The following EEFSEC variants were observed in gnomAD, a reference collection of about 807,000 sequenced individuals.
EEFSEC encodes eukaryotic elongation factor, selenocysteine-tRNA specific.
EEFSEC carries 43 observed loss-of-function variants against 42.1 expected under a neutral mutation model. That is an observed-to-expected ratio of 1.02 (90% confidence interval 0.80 to 1.32). EEFSEC has a LOEUF of 1.32. Among genes scored for constraint, EEFSEC ranks in the 40% most tolerant of loss-of-function variants. The probability of loss-of-function intolerance (pLI) is 0.00; values close to 1 mark genes in which losing one functional copy is unlikely to be tolerated. For missense variants in EEFSEC, 745 were observed against 803.6 expected (o/e 0.93, Z 0.88); for synonymous variants, 354 against 339.1 (o/e 1.04, Z -0.48).
At chr3:128,362,413 A>C (rs190775145) in intron 6 of EEFSEC, among the ~76,000 whole-genome samples, 2 of 152,344 alleles carry the variant, frequency 1.3e-5, no homozygotes, top group Admixed American at 1.3e-4. Context: ...AAGGGCACAC[A>C]TGTGCCCGTG....
chr3:128,227,225 G>A (rs1325360500), intron 1 of EEFSEC, among the ~76,000 whole-genome samples: 1 of 152,196 alleles, frequency 6.6e-6, no homozygotes, highest in Non-Finnish European at 1.5e-5. Flanking sequence ...GCCTCACTTG[G>A]CAGCTGAGCC....
chr3:128,397,132 ACAT>A (rs2067990565), intron 6 of EEFSEC, among the ~76,000 whole-genome samples: 1 of 152,116 alleles, frequency 6.6e-6, no homozygotes, highest in Admixed American at 6.5e-5. Flanking sequence ...GTGGGAAGAA[ACAT>A]CATTCTGGTT....
chr3:128,266,167 C>T (rs2066351954), intron 4 of EEFSEC, among the ~76,000 whole-genome samples: 1 of 152,156 alleles, frequency 6.6e-6, no homozygotes, highest in African/African-American at 2.4e-5. Flanking sequence ...CTGCTTTACT[C>T]AACATCCACC....
At chr3:128,170,520 T>C (rs908109907) in intron 1 of EEFSEC, among the ~76,000 whole-genome samples, 5 of 151,990 alleles carry the variant, frequency 3.3e-5, no homozygotes, top group African/African-American at 1.2e-4. Flanking sequence ...AAAGCTTTCT[T>C]GGGATACCAG....
At chr3:128,372,253 G>C (rs1183336603) in intron 6 of EEFSEC, among the ~76,000 whole-genome samples, 1 of 152,166 alleles carries the variant, frequency 6.6e-6, no homozygotes, top group Admixed American at 6.5e-5. Context: ...AGCAATCTTA[G>C]ATACCTGAGA....
chr3:128,414,042 C>T, the EEFSEC span, among the ~76,000 whole-genome samples: 2 of 152,282 alleles, frequency 1.3e-5, no homozygotes, highest in African/African-American at 2.4e-5. Flanking sequence ...CGCCTGTCTT[C>T]ACTGCCATCT....
chr3:128,374,451 A>T (rs2067688225), intron 6 of EEFSEC, among the ~76,000 whole-genome samples: 1 of 152,102 alleles, frequency 6.6e-6, no homozygotes. Flanking sequence ...TCAACCTTTG[A>T]GTGTGGGCCA....
chr3:128,163,632 A>C (rs2107764499), intron 1 of EEFSEC, among the ~76,000 whole-genome samples: 1 of 152,026 alleles, frequency 6.6e-6, no homozygotes, highest in South Asian at 2.1e-4. Flanking sequence ...AGCTGTCATC[A>C]CACAATCTCA....
At chr3:128,303,974 G>A (rs2108008376) in intron 4 of EEFSEC, among the ~76,000 whole-genome samples, 1 of 152,006 alleles carries the variant, frequency 6.6e-6, no homozygotes, top group Admixed American at 6.6e-5. Flanking sequence ...AAGAATTTAA[G>A]TCCATCTCTG....
chr3:128,189,351 T>G (rs934724776), intron 1 of EEFSEC, among the ~76,000 whole-genome samples: 2 of 152,156 alleles, frequency 1.3e-5, no homozygotes, highest in Non-Finnish European at 2.9e-5. Flanking sequence ...AAAATTCCTA[T>G]AGCCTAGTGC....
chr3:128,164,974 G>T (rs1243641721), intron 1 of EEFSEC, among the ~76,000 whole-genome samples: 1 of 152,220 alleles, frequency 6.6e-6, no homozygotes, highest in Non-Finnish European at 1.5e-5. Flanking sequence ...AGGCAAGGCG[G>T]ATGCCATCAG....
chr3:128,228,236 T>G (rs530378996), intron 1 of EEFSEC, among the ~76,000 whole-genome samples: 1 of 152,102 alleles, frequency 6.6e-6, no homozygotes, highest in African/African-American at 2.4e-5. Context: ...GCAGAGGAGC[T>G]TGGGAGTCAC....
At chr3:128,343,866 G>A (rs928519763) in intron 5 of EEFSEC, among the ~76,000 whole-genome samples, 8 of 152,240 alleles carry the variant, frequency 5.3e-5, no homozygotes, top group Non-Finnish European at 1.0e-4. Context: ...GGCTGGAAGT[G>A]GAAGCACAAG....
intron 1 of EEFSEC, among the ~76,000 whole-genome samples, chr3:128,162,210 G>A (rs914268213): frequency 6.6e-6 from 1 of 152,160 alleles, no homozygotes; most frequent in East Asian, 1.9e-4. Flanking sequence ...AGTGAGAGCT[G>A]TTTCTTTCTC....
chr3:128,331,467 C>T (rs1367599012), intron 4 of EEFSEC, among the ~76,000 whole-genome samples: 3 of 147,912 alleles, frequency 2.0e-5, no homozygotes, highest in Non-Finnish European at 4.5e-5. Context: ...TCCCCTTCCT[C>T]AGTGCATCTC....
At chr3:128,208,721 C>CTCTA (rs2065725685) in intron 1 of EEFSEC, among the ~76,000 whole-genome samples, 1 of 152,198 alleles carries the variant, frequency 6.6e-6, no homozygotes, top group Non-Finnish European at 1.5e-5. Context: ...TATGAAAAAT[C>CTCTA]TCTATCAGAT....
intron 4 of EEFSEC, among the ~76,000 whole-genome samples, chr3:128,279,828 C>T (rs932433972): frequency 6.6e-6 from 1 of 152,242 alleles, no homozygotes; most frequent in Non-Finnish European, 1.5e-5. Flanking sequence ...TGCCAGCCTT[C>T]TCTGCCTATT....
At chr3:128,213,843 A>G (rs2065783560) in intron 1 of EEFSEC, among the ~76,000 whole-genome samples, 1 of 152,152 alleles carries the variant, frequency 6.6e-6, no homozygotes, top group Non-Finnish European at 1.5e-5. Flanking sequence ...TTAAAGGAAA[A>G]TATTAAGTAA....
chr3:128,342,652 C>T (rs946111675), intron 5 of EEFSEC, among the ~76,000 whole-genome samples: 6 of 152,170 alleles, frequency 3.9e-5, no homozygotes, highest in Admixed American at 1.3e-4. Flanking sequence ...GGCCCTTGGC[C>T]TTGTGCTTTC....
Sources: allele counts gnomAD v4.1 joint callset (sites outside exome capture counted in the v4.1 genomes callset), GRCh38; gene constraint gnomAD v4.1.1; transcripts MANE v1.5; gene names NCBI Gene and HGNC (gene_info 2026-07-23, HGNC 2026-07-21).